Variants in SMOC2 observed in about 807,000 individuals in gnomAD.
SMOC2 encodes the protein SPARC related modular calcium binding 2.
A neutral mutation model predicts 61.4 loss-of-function variants in SMOC2; 39 were observed. The observed-to-expected ratio is 0.64, with a 90% CI of 0.49 to 0.83. The LOEUF is 0.83. SMOC2 is among the 40% of genes least tolerant of loss of function. SMOC2 has a pLI of 0.00. For missense variants in SMOC2, 556 were observed against 592.9 expected (o/e 0.94, Z 0.65); for synonymous variants, 247 against 239.9 (o/e 1.03, Z -0.27).
intron 1 of SMOC2, among the ~76,000 whole-genome samples, chr6:168,468,659 C>T (rs948645010): frequency 3.3e-5 from 5 of 152,268 alleles, no homozygotes; most frequent in Admixed American, 2.0e-4. Context: ...CTCAGCCTCC[C>T]GAGTAGCTGG....
intron 9 of SMOC2, among the ~76,000 whole-genome samples, chr6:168,646,947 G>C (rs1439418562): frequency 6.6e-6 from 1 of 152,182 alleles, no homozygotes; most frequent in Admixed American, 6.5e-5. Context: ...AACTTATTCT[G>C]TTTCTAGCTT....
intron 8 of SMOC2, among the ~76,000 whole-genome samples, chr6:168,601,430 G>A (rs1030303723): frequency 6.6e-6 from 1 of 152,236 alleles, no homozygotes; most frequent in African/African-American, 2.4e-5. Flanking sequence ...ATGGGGGATT[G>A]GTTCAAACCC....
At chr6:168,473,337 G>T (rs1208915683) in intron 1 of SMOC2, among the ~76,000 whole-genome samples, 2 of 152,168 alleles carry the variant, frequency 1.3e-5, no homozygotes, top group Non-Finnish European at 2.9e-5. Flanking sequence ...AGGGACTGCG[G>T]GCACTGCCAG....
intron 9 of SMOC2, among the ~76,000 whole-genome samples, chr6:168,642,340 G>A (rs1380462871): frequency 6.6e-6 from 1 of 152,238 alleles, no homozygotes; most frequent in Non-Finnish European, 1.5e-5. Flanking sequence ...TGGCTACGTT[G>A]GATTGGCCAA....
intron 7 of SMOC2, among the ~76,000 whole-genome samples, chr6:168,570,211 G>T (rs1055855124): frequency 6.6e-6 from 1 of 152,170 alleles, no homozygotes; most frequent in Non-Finnish European, 1.5e-5. Flanking sequence ...CATGGGCTGA[G>T]CAGCCGAATG....
At chr6:168,621,688 G>A (rs1215789978) in intron 9 of SMOC2, among the ~76,000 whole-genome samples, 1 of 148,242 alleles carries the variant, frequency 6.7e-6, no homozygotes, top group Admixed American at 6.9e-5. Flanking sequence ...AAGGGGAAGT[G>A]CCAGATGTTT....
At chr6:168,527,932 T>G (rs537682589) in intron 4 of SMOC2, among the ~76,000 whole-genome samples, 1 of 152,338 alleles carries the variant, frequency 6.6e-6, no homozygotes, top group East Asian at 1.9e-4. Context: ...GGTGAAGCTG[T>G]GTGAATGTAT....
intron 7 of SMOC2, among the ~76,000 whole-genome samples, chr6:168,588,797 T>G (rs1188880663): frequency 6.6e-6 from 1 of 152,204 alleles, no homozygotes; most frequent in African/African-American, 2.4e-5. Flanking sequence ...TTGCTTAACA[T>G]AGAAGTAAAT....
In SMOC2 at chr6:168,666,497, C is replaced by T. The variant is rs1349775038; in HGVS notation, c.*59C>T. The T allele has an allele frequency of 2.7e-5, 43 of 1,581,890 alleles. No homozygotes were observed. The highest frequency in any genetic ancestry group is 3.5e-5 in the Non-Finnish European group (40 of 1,153,318). On this transcript the variant is annotated 3_prime_UTR_variant, in exon 13 of 13. Transcript: ENST00000356284. ...ATGGGAAATTTCCCTCACCAAAGAG[C>T]AATTAAGAAAACAAAAACAGAAACA...
chr6:168,621,176 G>A (rs113411030), intron 9 of SMOC2, among the ~76,000 whole-genome samples: 1,676 of 152,294 alleles, frequency 0.011, 28 homozygotes, highest in African/African-American at 0.039. Context: ...TTGTTAATTC[G>A]CTTTGAGAAA....
chr6:168,505,832 C>A (rs1364472952), intron 1 of SMOC2, among the ~76,000 whole-genome samples: 1 of 152,180 alleles, frequency 6.6e-6, no homozygotes, highest in Non-Finnish European at 1.5e-5. Context: ...CCTCTCCCAC[C>A]TGTCCCCAGT....
chr6:168,568,255 C>G (rs1784587975), intron 7 of SMOC2, among the ~76,000 whole-genome samples: 1 of 152,230 alleles, frequency 6.6e-6, no homozygotes, highest in African/African-American at 2.4e-5. Flanking sequence ...AGCGCGTCTT[C>G]TCATGTCTTC....
intron 1 of SMOC2, among the ~76,000 whole-genome samples, chr6:168,462,259 A>G (rs1477491069): frequency 1.3e-5 from 2 of 152,108 alleles, no homozygotes; most frequent in African/African-American, 4.8e-5. Context: ...AATGAAGACT[A>G]TGTCCGTATT....
chr6:168,533,116 C>A (rs1345882582), intron 4 of SMOC2, among the ~76,000 whole-genome samples: 1 of 152,062 alleles, frequency 6.6e-6, no homozygotes, highest in African/African-American at 2.4e-5. Flanking sequence ...TTCCTCCCCG[C>A]TCTAAAATTT....
intron 7 of SMOC2, among the ~76,000 whole-genome samples, chr6:168,580,584 C>G (rs1323430426): frequency 6.6e-6 from 1 of 152,184 alleles, no homozygotes; most frequent in Non-Finnish European, 1.5e-5. Flanking sequence ...CTCTGTCATC[C>G]AGGCTGGAGG....
intron 7 of SMOC2, among the ~76,000 whole-genome samples, chr6:168,587,004 G>T (rs1277660439): frequency 6.6e-6 from 1 of 152,128 alleles, no homozygotes; most frequent in African/African-American, 2.4e-5. Context: ...TCTACACCTA[G>T]TCTACCAAGA....
intron 9 of SMOC2, among the ~76,000 whole-genome samples, chr6:168,648,736 A>C (rs1441703251): frequency 6.6e-6 from 1 of 152,234 alleles, no homozygotes; most frequent in Non-Finnish European, 1.5e-5. Flanking sequence ...CCCCTGGTGA[A>C]GGCTGCACAT....
At chr6:168,599,082 T>G (rs1562372005) in intron 8 of SMOC2, 78 bp downstream of exon 8, 3 of 1,307,314 alleles carry the variant, frequency 2.3e-6, no homozygotes, top group East Asian at 2.5e-5. Context: ...GAACCCCCAC[T>G]TCCCCCAACA....
chr6:168,500,558 C>A (rs112062485), intron 1 of SMOC2, among the ~76,000 whole-genome samples: 1 of 152,040 alleles, frequency 6.6e-6, no homozygotes, highest in African/African-American at 2.4e-5. Flanking sequence ...CACCTTCTCT[C>A]GGCCCTGCTA....
Sources: gnomAD v4.1 joint callset for allele counts (sites outside exome capture counted in the v4.1 genomes callset) on GRCh38, gnomAD v4.1.1 for gene constraint, MANE v1.5 for transcripts, NCBI Gene and HGNC (gene_info 2026-07-23, HGNC 2026-07-21) for gene names.